GPC3: variants seen among roughly 807,000 people sequenced by gnomAD.
The protein encoded by GPC3 is glypican 3, also known as glypican-3.
Under a neutral mutation model 34.4 loss-of-function variants are expected in GPC3, and 3 were observed. That is an observed-to-expected ratio of 0.09 (90% CI 0.04 to 0.23). The LOEUF is 0.23. Among genes scored for constraint, GPC3 ranks in the 10% least tolerant of loss-of-function variants. The pLI is 1.00. For missense variants in GPC3, 351 were observed against 445.6 expected (o/e 0.79, Z 1.91); for synonymous variants, 177 against 174.0 (o/e 1.02, Z -0.13).
At chrX:133,922,518 C>A (rs1304148979) in intron 2 of GPC3, among the ~76,000 whole-genome samples, 1 of 111,647 alleles carries the variant, frequency 9.0e-6, no homozygotes, top group Non-Finnish European at 1.9e-5. Flanking sequence ...CAGCTGTGCA[C>A]AGGTGGCAGA....
intron 2 of GPC3, among the ~76,000 whole-genome samples, chrX:133,808,978 C>T (rs1387697560): frequency 3.6e-5 from 4 of 111,987 alleles, no homozygotes; most frequent in Non-Finnish European, 7.5e-5. Flanking sequence ...TGTTTTTAAC[C>T]CATCTTTCAA....
intron 1 of GPC3, among the ~76,000 whole-genome samples, chrX:133,962,982 T>C (rs1462784107): frequency 3.6e-5 from 4 of 112,093 alleles, no homozygotes; most frequent in African/African-American, 9.7e-5. Context: ...CTCAAAGGGA[T>C]TGGACTAGCA....
At chrX:133,739,095 G>C (rs2071539231) in intron 3 of GPC3, among the ~76,000 whole-genome samples, 1 of 110,373 alleles carries the variant, frequency 9.1e-6, no homozygotes, top group Non-Finnish European at 1.9e-5. Flanking sequence ...TATGTATAGG[G>C]AAAAAAAACC....
At chrX:133,956,673 A>G (rs1188493545) in intron 1 of GPC3, among the ~76,000 whole-genome samples, 1 of 112,259 alleles carries the variant, frequency 8.9e-6, no homozygotes, top group East Asian at 2.8e-4. Context: ...CTAAATTTGC[A>G]TTGACAATCA....
chrX:133,866,702 C>T (rs1412155479), intron 2 of GPC3, among the ~76,000 whole-genome samples: 2 of 111,563 alleles, frequency 1.8e-5, no homozygotes, highest in Non-Finnish European at 3.8e-5. Context: ...AAACTAAAGT[C>T]ATTTTCAAAG....
chrX:133,723,734 G>A (rs148200287), intron 3 of GPC3, among the ~76,000 whole-genome samples: 1,493 of 111,677 alleles, frequency 0.013, 26 homozygotes, highest in African/African-American at 0.045. Context: ...CTTCTGCCAT[G>A]AGTGGAAGCT....
At chrX:133,733,872 A>G (rs562804153) in intron 3 of GPC3, among the ~76,000 whole-genome samples, 3 of 112,269 alleles carry the variant, frequency 2.7e-5, no homozygotes, top group Non-Finnish European at 3.8e-5. Flanking sequence ...GAATAATCCT[A>G]TAACAAAGAG....
intron 1 of GPC3, among the ~76,000 whole-genome samples, chrX:133,958,572 A>T (rs1287214834): frequency 1.9e-5 from 2 of 107,793 alleles, no homozygotes; most frequent in Admixed American, 9.9e-5. Flanking sequence ...ATAAAAAAGA[A>T]AAAAGATCAA....
chrX:133,902,597 C>T (rs1220250547), intron 2 of GPC3, among the ~76,000 whole-genome samples: 1 of 111,405 alleles, frequency 9.0e-6, no homozygotes, highest in Non-Finnish European at 1.9e-5. Context: ...GTGGTGCACA[C>T]CTGTAATCCC....
At chrX:133,898,559 A>G (rs1248521822) in intron 2 of GPC3, among the ~76,000 whole-genome samples, 2 of 112,240 alleles carry the variant, frequency 1.8e-5, no homozygotes, top group Non-Finnish European at 1.9e-5. Flanking sequence ...TTAAATTGAC[A>G]TAATAGAGAC....
intron 7 of GPC3, among the ~76,000 whole-genome samples, chrX:133,583,220 T>A (rs1341484712): frequency 9.0e-6 from 1 of 111,185 alleles, no homozygotes; most frequent in Non-Finnish European, 1.9e-5. Context: ...TTCTCTTTTG[T>A]TCTATTTACA....
chrX:133,562,932 A>G (rs1052684827), intron 7 of GPC3, among the ~76,000 whole-genome samples: 5 of 111,501 alleles, frequency 4.5e-5, no homozygotes, highest in African/African-American at 1.3e-4. Context: ...AATAGGGACA[A>G]TATCACTGCC....
chrX:133,814,724 C>T (rs1215080036), intron 2 of GPC3, among the ~76,000 whole-genome samples: 6 of 110,237 alleles, frequency 5.4e-5, no homozygotes, highest in Non-Finnish European at 9.5e-5. Flanking sequence ...TACACCACCA[C>T]GCCCAGCTAA....
At chrX:133,604,728 C>T (rs1187357265) in intron 6 of GPC3, among the ~76,000 whole-genome samples, 2 of 111,840 alleles carry the variant, frequency 1.8e-5, no homozygotes, top group East Asian at 2.8e-4. Context: ...TACTCACATA[C>T]TTTCTGTAGG....
At chrX:133,554,949 T>C (rs1415098341) in intron 7 of GPC3, among the ~76,000 whole-genome samples, 4 of 112,561 alleles carry the variant, frequency 3.6e-5, no homozygotes, top group African/African-American at 1.3e-4. Context: ...GGAACAAGCA[T>C]TTTGTTTCTA....
intron 2 of GPC3, among the ~76,000 whole-genome samples, chrX:133,823,817 TA>T (rs1434106870): frequency 7.3e-5 from 8 of 108,882 alleles, no homozygotes; most frequent in Non-Finnish European, 1.5e-4. Context: ...CCATATGTAC[TA>T]AAAAACTACA....
rs12010084 is a variant in GPC3 at position 133,667,302 on chromosome X, T to G, written c.1293-5452A>C. Among the ~76,000 whole-genome samples the G allele has an allele frequency of 5.9e-3, 665 of 111,826 alleles. 4 individuals are homozygous for G. Among genetic ancestry groups the G allele is most frequent in the African/African-American group, 0.021 (637 of 30,745 alleles). On this transcript the variant is annotated intron_variant, in intron 5 of 7. Coordinates refer to ENST00000370818, the MANE Select transcript of GPC3 (RefSeq NM_004484.4). ...TATACATTATATTCCTAGGCATTAGTTGTTTTAAAGGCAAAAGAGAACAAA... is the reference window on the plus strand; with the variant it reads ...TATACATTATATTCCTAGGCATTAGGTGTTTTAAAGGCAAAAGAGAACAAA...
chrX:133,962,078 G>C (rs2076443924), intron 1 of GPC3, among the ~76,000 whole-genome samples: 1 of 112,152 alleles, frequency 8.9e-6, no homozygotes, highest in Admixed American at 9.5e-5. Context: ...AATTGAAGTG[G>C]TGGAGAGTGG....
chrX:133,726,712 G>C (rs1450260866), intron 3 of GPC3, among the ~76,000 whole-genome samples: 1 of 110,641 alleles, frequency 9.0e-6, no homozygotes. Context: ...CTTTCTGTTG[G>C]CTCTCATTTC....
Sources: allele counts gnomAD v4.1 joint callset (sites outside exome capture counted in the v4.1 genomes callset), GRCh38; gene constraint gnomAD v4.1.1; transcripts MANE v1.5; gene names NCBI Gene and HGNC (gene_info 2026-07-23, HGNC 2026-07-21).